The following CASK variants were observed in gnomAD, a reference collection of about 807,000 sequenced individuals.
CASK encodes the protein peripheral plasma membrane protein CASK.
In CASK, 4 loss-of-function variants were observed where a neutral mutation model predicts 82.9. That is an observed-to-expected ratio of 0.05 (90% CI 0.02 to 0.11). The LOEUF (loss-of-function observed/expected upper bound fraction) is 0.11, where lower values mean the gene tolerates loss of function less well. CASK is among the 10% of genes least tolerant of loss of function. The pLI, the probability that CASK is intolerant of heterozygous loss-of-function variation, is 1.00. For synonymous variants in CASK, 259 were observed against 253.5 expected (o/e 1.02, Z -0.20); for missense variants, 358 against 720.9 (o/e 0.50, Z 5.76).
chrX:41,737,934 C>G (rs1406327767), intron 5 of CASK, among the ~76,000 whole-genome samples: 3 of 112,910 alleles, frequency 2.7e-5, no homozygotes, highest in Non-Finnish European at 5.6e-5. Context: ...TTGACAATTT[C>G]CCGCCTTTTA....
chrX:41,780,648 T>C (rs1441071823), intron 3 of CASK, among the ~76,000 whole-genome samples: 1 of 111,580 alleles, frequency 9.0e-6, no homozygotes, highest in Non-Finnish European at 1.9e-5. Flanking sequence ...CTATTATTAT[T>C]ATTATTATTT....
At chrX:41,845,241 T>C (rs2071129475) in intron 2 of CASK, among the ~76,000 whole-genome samples, 1 of 111,892 alleles carries the variant, frequency 8.9e-6, no homozygotes, top group Non-Finnish European at 1.9e-5. Flanking sequence ...TCTTTAATGA[T>C]CTTCTGTTTA....
intron 5 of CASK, among the ~76,000 whole-genome samples, chrX:41,725,850 G>GT (rs1015376166): frequency 1.1e-4 from 12 of 110,555 alleles, no homozygotes; most frequent in Admixed American, 2.9e-4. Context: ...AGCAGCTACA[G>GT]TTTTTTTTTG....
At chrX:41,612,894 C>G (rs2066114851) in intron 11 of CASK, among the ~76,000 whole-genome samples, 1 of 98,835 alleles carries the variant, frequency 1.0e-5, no homozygotes, top group African/African-American at 3.8e-5. Flanking sequence ...GGGGTCAGCC[C>G]CCCGCCCGGC....
intron 8 of CASK, among the ~76,000 whole-genome samples, chrX:41,654,387 A>G (rs2066904563): frequency 8.9e-6 from 1 of 111,746 alleles, no homozygotes; most frequent in Non-Finnish European, 1.9e-5. Flanking sequence ...TGGGAAGAAT[A>G]GGGCCGGATG....
chrX:41,923,136 G>A lies in CASK; in HGVS notation c.-148C>T. ...CGAGGACGCTCGAGTGGGGCCGCGA[G>A]GCCCAGAGACTGCGGCGCCTTCCTC... On this transcript the variant is annotated 5_prime_UTR_variant, in exon 1 of 27. Coordinates refer to ENST00000378163, the MANE Select transcript of CASK (RefSeq NM_001367721.1). 1 of 410,634 alleles carries A rather than the reference G, an allele frequency of 2.4e-6. No homozygotes were observed. The highest frequency in any genetic ancestry group is 4.1e-6 in the Non-Finnish European group (1 of 244,725). The allele number at this position is 410,634 out of a possible 1,213,427, so 33.8% of individuals were successfully genotyped here. A position where few individuals can be genotyped will look rare whatever the true frequency, so the allele number is the denominator to read the frequency against.
intron 5 of CASK, among the ~76,000 whole-genome samples, chrX:41,732,605 A>G (rs1221795948): frequency 8.9e-6 from 1 of 111,913 alleles, no homozygotes; most frequent in Non-Finnish European, 1.9e-5. Context: ...AATGGAATTG[A>G]TAACACTGGG....
chrX:41,695,435 C>T (rs1430850128), intron 5 of CASK: 1 of 372,070 alleles, frequency 2.7e-6, no homozygotes, highest in Non-Finnish European at 4.7e-6. Context: ...TCTGCTGTAG[C>T]CTCCCGAGTA....
intron 2 of CASK, among the ~76,000 whole-genome samples, chrX:41,811,418 T>C (rs1233411772): frequency 8.9e-6 from 1 of 112,230 alleles, no homozygotes; most frequent in Non-Finnish European, 1.9e-5. Flanking sequence ...CAAACTAGAA[T>C]TCAGGATTAA....
chrX:41,683,979 G>A (rs1035678882), intron 5 of CASK, among the ~76,000 whole-genome samples: 1 of 111,967 alleles, frequency 8.9e-6, no homozygotes, highest in Non-Finnish European at 1.9e-5. Context: ...AAGAATCCAT[G>A]AGTCTATGCT....
chrX:41,842,397 C>A (rs1415210653), intron 2 of CASK, among the ~76,000 whole-genome samples: 4 of 109,093 alleles, frequency 3.7e-5, no homozygotes, highest in African/African-American at 1.3e-4. Flanking sequence ...ATGGTGAAAC[C>A]CCATCTCTAC....
At chrX:41,607,371 T>C (rs1191075201) in intron 12 of CASK, among the ~76,000 whole-genome samples, 1 of 112,235 alleles carries the variant, frequency 8.9e-6, no homozygotes, top group Non-Finnish European at 1.9e-5. Context: ...CAAAAAGTCT[T>C]TGTTACAAAA....
At chrX:41,689,120 C>A (rs1341361668) in intron 5 of CASK, 2 of 111,688 alleles carry the variant, frequency 1.8e-5, no homozygotes, top group Non-Finnish European at 3.8e-5. Context: ...ATAAATGAAC[C>A]TTTATTTCAG....
At chrX:41,755,952 C>T (rs1261062936) in intron 3 of CASK, among the ~76,000 whole-genome samples, 1 of 111,346 alleles carries the variant, frequency 9.0e-6, no homozygotes, top group Admixed American at 9.6e-5. Flanking sequence ...TGTAAACAGC[C>T]GATGTCTTCC....
At chrX:41,814,404 T>C (rs941471983) in intron 2 of CASK, among the ~76,000 whole-genome samples, 3 of 111,240 alleles carry the variant, frequency 2.7e-5, no homozygotes, top group African/African-American at 9.8e-5. Flanking sequence ...CATGGAATAC[T>C]ATGCAGCCAT....
chrX:41,538,209 T>C (rs2064902260), intron 22 of CASK, among the ~76,000 whole-genome samples: 1 of 111,530 alleles, frequency 9.0e-6, no homozygotes, highest in African/African-American at 3.3e-5. Context: ...TCCTTTAGAG[T>C]TGCTTGTATT....
At chrX:41,577,370 A>G (rs1312050249) in intron 15 of CASK, among the ~76,000 whole-genome samples, 1 of 112,250 alleles carries the variant, frequency 8.9e-6, no homozygotes, top group Non-Finnish European at 1.9e-5. Flanking sequence ...GCACTGCTGC[A>G]ATAACAGCCT....
In CASK at chrX:41,542,721, T is replaced by C; in HGVS notation, c.2125A>G (p.Lys709Glu). 1 of 1,208,071 alleles carries C rather than the reference T, an allele frequency of 8.3e-7. No homozygotes were observed. Among genetic ancestry groups the C allele is most frequent in the Admixed American group, 2.2e-5 (1 of 46,034 alleles). The change falls in exon 22 of 27, where the codon AAA becomes GAA. Residue 709 changes from lysine (K) to glutamate (E), a missense_variant. Transcript: ENST00000378163. ...TWFGKKKKQY[K>E]DKYLAKHNAV... The stretch of plus-strand genomic sequence containing the variant: ...TTGTGCTTTGCCAAATATTTATCTT[T>C]GTACTGCTTCTTTTTCTTGCCAAAC...
chrX:41,744,129 CA>C (rs79706632), intron 4 of CASK, among the ~76,000 whole-genome samples: 42 of 91,819 alleles, frequency 4.6e-4, no homozygotes, highest in South Asian at 5.2e-4. Context: ...GCACCCCCCG[CA>C]AAAAAAAAAA....
Sources: gnomAD v4.1 joint callset for allele counts (sites outside exome capture counted in the v4.1 genomes callset) on GRCh38, gnomAD v4.1.1 for gene constraint, MANE v1.5 for transcripts, NCBI Gene and HGNC (gene_info 2026-07-23, HGNC 2026-07-21) for gene names.